Variants in ESR1 observed in about 807,000 individuals in gnomAD.
The protein encoded by ESR1 is estrogen receptor.
In ESR1, 12 loss-of-function variants were observed where a neutral mutation model predicts 52.7. The ratio of observed to expected loss-of-function variants is 0.23; its 90% confidence interval spans 0.15 to 0.37. The LOEUF (loss-of-function observed/expected upper bound fraction) is 0.37. Ranked by LOEUF, ESR1 falls within the 10% of genes least tolerant of loss-of-function variation. The probability of loss-of-function intolerance (pLI) is 1.00; values close to 1 mark genes in which losing one functional copy is unlikely to be tolerated. For missense variants in ESR1, 584 were observed against 779.7 expected (o/e 0.75, Z 2.99); for synonymous variants, 305 against 316.8 (o/e 0.96, Z 0.39).
At chr6:152,090,953 A>G (rs2050133331) in intron 6 of ESR1, among the ~76,000 whole-genome samples, 1 of 152,208 alleles carries the variant, frequency 6.6e-6, no homozygotes, top group African/African-American at 2.4e-5. Context: ...TTAATGACAT[A>G]TAGATTTTTT....
chr6:151,831,522 A>G (rs896294804), intron 1 of ESR1, among the ~76,000 whole-genome samples: 5 of 152,126 alleles, frequency 3.3e-5, no homozygotes, highest in African/African-American at 1.2e-4. Context: ...TCCAGATGTG[A>G]AATAATTTGC....
intron 4 of ESR1, among the ~76,000 whole-genome samples, chr6:151,995,054 A>G (rs1245387090): frequency 6.6e-6 from 1 of 152,086 alleles, no homozygotes; most frequent in Admixed American, 6.6e-5. Context: ...TTTTTAGGGA[A>G]GATACAAGGA....
chr6:152,085,672 C>A (rs1168886079), intron 6 of ESR1, among the ~76,000 whole-genome samples: 1 of 151,886 alleles, frequency 6.6e-6, no homozygotes, highest in African/African-American at 2.4e-5. Context: ...CACAAAGTGG[C>A]GAGGGCTCCA....
chr6:151,793,743 G>A (rs1483937314), intron 2 of ESR1, among the ~76,000 whole-genome samples: 1 of 152,106 alleles, frequency 6.6e-6, no homozygotes, highest in Non-Finnish European at 1.5e-5. Flanking sequence ...TATTTACTGA[G>A]CACCAAATAT....
At chr6:151,754,404 T>C (rs1009763137) in intron 2 of ESR1, among the ~76,000 whole-genome samples, 4 of 152,014 alleles carry the variant, frequency 2.6e-5, no homozygotes, top group Non-Finnish European at 5.9e-5. Context: ...GTAAGATTTA[T>C]GAAACAAAGG....
intron 2 of ESR1, among the ~76,000 whole-genome samples, chr6:151,849,368 G>A (rs1016830910): frequency 2.0e-5 from 3 of 152,076 alleles, no homozygotes; most frequent in East Asian, 1.9e-4. Context: ...ATAGATAGCC[G>A]GATGTGGTGG....
chr6:151,880,609 TAA>T (rs762803413), intron 2 of ESR1, 44 bp from the exon 3 acceptor site: 1 of 1,175,948 alleles, frequency 8.5e-7, no homozygotes, highest in African/African-American at 1.5e-5. Context: ...TCTGACTGGC[TAA>T]GTTTCCTGAA....
chr6:151,910,744 G>A (rs1212448127), intron 3 of ESR1, among the ~76,000 whole-genome samples: 2 of 152,172 alleles, frequency 1.3e-5, no homozygotes, highest in Non-Finnish European at 2.9e-5. Context: ...GAAAGTAATA[G>A]AATCTCTTAC....
chr6:151,993,393 C>T (rs780335870), intron 4 of ESR1, among the ~76,000 whole-genome samples: 20 of 152,138 alleles, frequency 1.3e-4, no homozygotes, highest in Non-Finnish European at 2.5e-4. Context: ...CTTCTCTTCT[C>T]TGGGTCGGAC....
At chr6:152,045,669 CTGAG>C (rs1473019442) in intron 5 of ESR1, among the ~76,000 whole-genome samples, 3 of 152,094 alleles carry the variant, frequency 2.0e-5, no homozygotes, top group Non-Finnish European at 4.4e-5. Context: ...CTTGTTAGCA[CTGAG>C]TAAGAACTCA....
intron 3 of ESR1, among the ~76,000 whole-genome samples, chr6:151,893,663 C>T (rs1488113838): frequency 1.3e-5 from 2 of 151,516 alleles, no homozygotes; most frequent in Non-Finnish European, 2.9e-5. Flanking sequence ...TGTTTTTTTC[C>T]TTCACTAAGA....
At chr6:151,924,795 A>T (rs2032376847) in intron 3 of ESR1, among the ~76,000 whole-genome samples, 2 of 151,782 alleles carry the variant, frequency 1.3e-5, no homozygotes, top group Admixed American at 1.3e-4. Flanking sequence ...TTTTTATTTT[A>T]ATGGCTGAAT....
chr6:152,125,957 G>A (rs2053265029), exon 7 of ESR1: 1 of 152,326 alleles, frequency 6.6e-6, no homozygotes, highest in African/African-American at 2.4e-5. Flanking sequence ...TGAGAAAACT[G>A]AAGGCCAGAG....
At chr6:151,901,481 T>A (rs997234964) in intron 3 of ESR1, among the ~76,000 whole-genome samples, 1 of 152,174 alleles carries the variant, frequency 6.6e-6, no homozygotes, top group African/African-American at 2.4e-5. Context: ...TTGGAATTGT[T>A]ACAAAGTTCA....
intron 2 of ESR1, among the ~76,000 whole-genome samples, chr6:151,875,110 C>G (rs1017007391): frequency 3.3e-5 from 5 of 152,176 alleles, no homozygotes; most frequent in Non-Finnish European, 5.9e-5. Flanking sequence ...GGCAAGGCCT[C>G]AAAACGGAAA....
At chr6:151,842,926 T>C in intron 2 of ESR1, 139 bp downstream of exon 2, 1 of 715,940 alleles carries the variant, frequency 1.4e-6, no homozygotes, top group Non-Finnish European at 2.4e-6. Context: ...GTATCTTTGG[T>C]AGAAACATGG....
At chr6:151,661,047 G>A (rs1240400180) in intron 1 of ESR1, among the ~76,000 whole-genome samples, 3 of 152,166 alleles carry the variant, frequency 2.0e-5, no homozygotes, top group African/African-American at 7.2e-5. Context: ...AAAAGAGTGA[G>A]TGCAATAGAC....
chr6:151,739,359 A>G (rs1782908393), intron 2 of ESR1, among the ~76,000 whole-genome samples: 2 of 152,184 alleles, frequency 1.3e-5, no homozygotes, highest in Non-Finnish European at 2.9e-5. Flanking sequence ...ATCTCAGTCA[A>G]TCAGATTTAT....
intron 1 of ESR1, among the ~76,000 whole-genome samples, chr6:151,695,992 C>T (rs1779304612): frequency 6.6e-6 from 1 of 152,148 alleles, no homozygotes; most frequent in Non-Finnish European, 1.5e-5. Flanking sequence ...ATCGTACCTG[C>T]ATCAAGTTTT....
Sources: allele counts gnomAD v4.1 joint callset (sites outside exome capture counted in the v4.1 genomes callset), GRCh38; gene constraint gnomAD v4.1.1; transcripts MANE v1.5; gene names NCBI Gene and HGNC (gene_info 2026-07-23, HGNC 2026-07-21).